The following ADARB2 variants were observed in gnomAD, a reference collection of about 807,000 sequenced individuals.
ADARB2 encodes adenosine deaminase RNA specific B2 (inactive), also known as inactive double-stranded RNA-specific editase B2.
Under a neutral mutation model 62.2 loss-of-function variants are expected in ADARB2, and 25 were observed. The observed-to-expected ratio is 0.40, with a 90% CI of 0.29 to 0.56. The LOEUF (loss-of-function observed/expected upper bound fraction) is 0.56, where lower values mean the gene tolerates loss of function less well. Ranked by LOEUF, ADARB2 falls within the 20% of genes least tolerant of loss-of-function variation. The pLI is 0.43. For synonymous variants in ADARB2, 572 were observed against 500.8 expected, an observed-to-expected ratio of 1.14 and a Z score of -1.90; for missense variants, 1,071 against 1,077.4, an observed-to-expected ratio of 0.99 and a Z score of 0.08.
In ADARB2 at chr10:1,258,211, A is replaced by T. The variant is rs1211975132; in HGVS notation, c.1192+12744T>A. ...TAACCATAGCATGGTTAAGGTAAAT[A>T]TAAGAATATTTTAGCTTGTTAGGAA... On this transcript the variant is annotated intron_variant, in intron 4 of 9. Coordinates refer to ENST00000381312, the MANE Select transcript of ADARB2 (RefSeq NM_018702.4). Among the ~76,000 whole-genome samples the T allele has an allele frequency of 2.6e-5, 4 of 152,254 alleles. No homozygotes were observed. The East Asian group carries it at 7.7e-4, about 29-fold the overall frequency.
chr10:1,349,150 C>G (rs972925704), intron 3 of ADARB2, among the ~76,000 whole-genome samples: 2 of 152,194 alleles, frequency 1.3e-5, no homozygotes, highest in Admixed American at 1.3e-4. Flanking sequence ...CCTGCCTTAA[C>G]TGATGATGAC....
chr10:1,689,398 C>G (rs1027351327), intron 1 of ADARB2, among the ~76,000 whole-genome samples: 1 of 152,168 alleles, frequency 6.6e-6, no homozygotes, highest in Admixed American at 6.5e-5. Flanking sequence ...TTTCCTTGGT[C>G]CTGCCAACCT....
chr10:1,662,874 C>T (rs1046041080), intron 1 of ADARB2, among the ~76,000 whole-genome samples: 3 of 152,214 alleles, frequency 2.0e-5, no homozygotes, highest in Non-Finnish European at 4.4e-5. Context: ...CAGCGGCCAC[C>T]TCTGCTCTGG....
intron 1 of ADARB2, among the ~76,000 whole-genome samples, chr10:1,664,664 C>T (rs1241943492): frequency 6.6e-6 from 1 of 152,176 alleles, no homozygotes; most frequent in Non-Finnish European, 1.5e-5. Flanking sequence ...GTGCACTAGC[C>T]TCCCTCAATT....
intron 1 of ADARB2, among the ~76,000 whole-genome samples, chr10:1,629,130 G>T (rs1434461408): frequency 2.0e-5 from 3 of 152,186 alleles, no homozygotes; most frequent in African/African-American, 7.2e-5. Flanking sequence ...CGAGTAACAT[G>T]TTCCTTGGAA....
intron 1 of ADARB2, among the ~76,000 whole-genome samples, chr10:1,538,396 C>T (rs1832361491): frequency 6.6e-6 from 1 of 152,230 alleles, no homozygotes; most frequent in African/African-American, 2.4e-5. Context: ...CCCTCCTTCA[C>T]CCTCTCCTCA....
At chr10:1,204,768 G>C (rs1180815921) in intron 7 of ADARB2, among the ~76,000 whole-genome samples, 1 of 152,242 alleles carries the variant, frequency 6.6e-6, no homozygotes, top group Non-Finnish European at 1.5e-5. Flanking sequence ...TCAGGTGCCT[G>C]TGGTTTAAAT....
chr10:1,234,312 C>T (rs900709182), intron 5 of ADARB2, among the ~76,000 whole-genome samples: 2 of 151,798 alleles, frequency 1.3e-5, no homozygotes, highest in African/African-American at 4.8e-5. Context: ...TTCTTCACAC[C>T]CCATAGTGTG....
chr10:1,209,056 G>T (rs940916935), intron 7 of ADARB2, among the ~76,000 whole-genome samples: 1 of 152,148 alleles, frequency 6.6e-6, no homozygotes, highest in Non-Finnish European at 1.5e-5. Flanking sequence ...AGTGAGGGGC[G>T]TGTGGCTGCC....
At chr10:1,718,073 A>G (rs1835044154) in intron 1 of ADARB2, among the ~76,000 whole-genome samples, 1 of 152,110 alleles carries the variant, frequency 6.6e-6, no homozygotes, top group African/African-American at 2.4e-5. Flanking sequence ...GAAGGGAGGG[A>G]AGGAGGGAGG....
intron 1 of ADARB2, among the ~76,000 whole-genome samples, chr10:1,547,987 T>C (rs1832552071): frequency 1.3e-5 from 2 of 152,014 alleles, no homozygotes. Context: ...GGTACTTGCT[T>C]GACCATATAG....
chr10:1,327,151 G>A (rs570136152), intron 3 of ADARB2, among the ~76,000 whole-genome samples: 3 of 49,298 alleles, frequency 6.1e-5, no homozygotes, highest in Non-Finnish European at 1.4e-4. Flanking sequence ...ACTGCACAGT[G>A]CCTCGTCACA....
At chr10:1,682,922 C>T (rs1461700325) in intron 1 of ADARB2, among the ~76,000 whole-genome samples, 1 of 152,220 alleles carries the variant, frequency 6.6e-6, no homozygotes, top group African/African-American at 2.4e-5. Flanking sequence ...ATGAGGCCAA[C>T]ACCTGATACA....
At chr10:1,622,582 C>A (rs1833716824) in intron 1 of ADARB2, among the ~76,000 whole-genome samples, 1 of 152,090 alleles carries the variant, frequency 6.6e-6, no homozygotes, top group Non-Finnish European at 1.5e-5. Flanking sequence ...AAGATGTATA[C>A]CGTCATTAGT....
At chr10:1,413,208 C>G (rs771890424) in intron 1 of ADARB2, among the ~76,000 whole-genome samples, 1 of 152,118 alleles carries the variant, frequency 6.6e-6, no homozygotes, top group African/African-American at 2.4e-5. Flanking sequence ...GGGCGCAGGG[C>G]CCAGCCAGGG....
intron 1 of ADARB2, among the ~76,000 whole-genome samples, chr10:1,673,685 C>T (rs1033901145): frequency 2.6e-5 from 4 of 152,158 alleles, no homozygotes; most frequent in Admixed American, 2.0e-4. Flanking sequence ...AAGGAAAGGG[C>T]GAATCCCTCC....
intron 1 of ADARB2, among the ~76,000 whole-genome samples, chr10:1,540,643 C>T (rs80144459): frequency 3.0e-5 from 3 of 99,042 alleles, no homozygotes; most frequent in African/African-American, 1.0e-4. Flanking sequence ...GCCGTCCAGA[C>T]CCCACTCAGA....
At chr10:1,318,414 T>C (rs754353816) in intron 3 of ADARB2, among the ~76,000 whole-genome samples, 11 of 151,522 alleles carry the variant, frequency 7.3e-5, no homozygotes, top group Non-Finnish European at 1.6e-4. Flanking sequence ...GATCATGGGC[T>C]GGGCCGGAGG....
chr10:1,534,475 G>A (rs905442749), intron 1 of ADARB2: 6 of 152,302 alleles, frequency 3.9e-5, no homozygotes, highest in African/African-American at 7.2e-5. Flanking sequence ...GAACCCGGAG[G>A]CTTTCGGCGT....
Sources: allele counts gnomAD v4.1 joint callset (sites outside exome capture counted in the v4.1 genomes callset), GRCh38; gene constraint gnomAD v4.1.1; transcripts MANE v1.5; gene names NCBI Gene and HGNC (gene_info 2026-07-23, HGNC 2026-07-21).